Variants in TES observed in about 807,000 individuals in gnomAD.
TES encodes the protein testin.
Under a neutral mutation model 48.2 loss-of-function variants are expected in TES, and 41 were observed. The observed-to-expected ratio is 0.85, with a 90% CI of 0.66 to 1.10. The LOEUF is 1.10. Ranked by LOEUF, TES falls within the 50% of genes least tolerant of loss-of-function variation. The pLI, the probability that TES is intolerant of heterozygous loss-of-function variation, is 0.00. For synonymous variants in TES, 162 were observed against 174.9 expected (o/e 0.93, Z 0.58); for missense variants, 463 against 515.1 (o/e 0.90, Z 0.98).
chr7:116,219,840 T>G (rs1799536218), intron 1 of TES, among the ~76,000 whole-genome samples: 1 of 152,188 alleles, frequency 6.6e-6, no homozygotes, highest in Non-Finnish European at 1.5e-5. Context: ...CTGTATGGTA[T>G]CAGACTACAC....
At position 116,210,563 on chromosome 7, in the gene TES, G is replaced by A; in HGVS notation, c.-145G>A. Reference sequence around the variant, plus strand: ...CGCTGCGGCGGACTGGGCGGCGGAAGTTCGACGGCGCCGGGCGAGTGGCTG... The same window carrying A: ...CGCTGCGGCGGACTGGGCGGCGGAAATTCGACGGCGCCGGGCGAGTGGCTG... On this transcript the variant is annotated 5_prime_UTR_variant, in exon 1 of 7. Coordinates refer to ENST00000358204, the MANE Select transcript of TES (RefSeq NM_015641.4). 1 of 940,514 alleles carries A rather than the reference G, an allele frequency of 1.1e-6. No homozygotes were observed. The highest frequency in any genetic ancestry group is 1.4e-6 in the Non-Finnish European group (1 of 710,944). 58.3% of individuals were successfully genotyped at this position (940,514 alleles called of 1,614,324 possible).
chr7:116,216,323 T>C (rs886810987), intron 1 of TES, among the ~76,000 whole-genome samples: 1 of 152,146 alleles, frequency 6.6e-6, no homozygotes, highest in Non-Finnish European at 1.5e-5. Context: ...GGAAAGGTCT[T>C]CCATAGTGTA....
chr7:116,234,648 A>C (rs773998061), intron 2 of TES, 29 bp downstream of exon 2: 1 of 1,571,412 alleles, frequency 6.4e-7, no homozygotes, highest in Non-Finnish European at 8.8e-7. Context: ...CAACCACATT[A>C]GTAATTTATA....
intron 6 of TES, chr7:116,255,021 T>C (rs1800076884): frequency 6.6e-6 from 1 of 151,474 alleles, no homozygotes; most frequent in East Asian, 1.9e-4. Flanking sequence ...ATACAAATTA[T>C]TTTTAGACCT....
chr7:116,252,537 TTCTTAAAGCC>T (rs1169241005), intron 6 of TES, 61 bp downstream of exon 6: 9 of 1,611,936 alleles, frequency 5.6e-6, no homozygotes, highest in Non-Finnish European at 6.8e-6. Context: ...GTTTATGCTT[TTCTTAAAGCC>T]TCTTACAAAT....
chr7:116,251,731 T>G, intron 4 of TES, 29 bp from the exon 5 acceptor site: 1 of 1,579,348 alleles, frequency 6.3e-7, no homozygotes, highest in East Asian at 2.2e-5. Context: ...TTCTAATGAC[T>G]AGGTTGTTCT....
intron 2 of TES, among the ~76,000 whole-genome samples, chr7:116,241,105 G>A (rs66652906): frequency 0.33 from 50,845 of 152,022 alleles, 8,956 homozygotes; most frequent in East Asian, 0.57. Flanking sequence ...TTCTCAGGCC[G>A]CTCTTGGATA....
Position 116,238,775 on chromosome 7 carries a change from A to C in TES, c.113+4156A>C, listed in dbSNP as rs141216827. ...CCACCACGCCCAGCTAATTTTTTCTATTTTTAGTAGAGACGGGGTTTCACC... is the reference window on the plus strand; with the variant it reads ...CCACCACGCCCAGCTAATTTTTTCTCTTTTTAGTAGAGACGGGGTTTCACC... On this transcript the variant is annotated intron_variant, in intron 2 of 6. Transcript: ENST00000358204. 9.2e-3 allele frequency among the ~76,000 whole-genome samples: 1,398 copies of C among 151,706 alleles called. 20 individuals are homozygous for C. The highest frequency in any genetic ancestry group is 0.032 in the African/African-American group (1,319 of 41,308).
chr7:116,250,308 G>T lies in TES; in HGVS notation c.514G>T (p.Val172Leu). The T allele has an allele frequency of 3.1e-6, 5 of 1,613,916 alleles. No individual in the cohort carries two copies. Among genetic ancestry groups the T allele is most frequent in the Non-Finnish European group, 4.2e-6 (5 of 1,179,888 alleles). ...SKCHELSPRE[V>L]KEMEQFVKKY... is the part of the protein sequence containing the mutation. ...GTGCCATGAGTTGTCTCCCAGAGAGGTGAAGGAGATGGAGCAGTTTGTGAA... is the reference window on the plus strand; with the variant it reads ...GTGCCATGAGTTGTCTCCCAGAGAGTTGAAGGAGATGGAGCAGTTTGTGAA... Residue 172 changes from valine to leucine, a missense_variant, in exon 4 of 7, where the codon GTG (valine) becomes TTG (leucine). Physicochemically the swap from Val to Leu is conservative, Grantham distance 32. Coordinates refer to ENST00000358204, the MANE Select transcript of TES (RefSeq NM_015641.4).
intron 6 of TES, chr7:116,255,257 G>A (rs1800081519): frequency 6.6e-6 from 1 of 152,140 alleles, no homozygotes; most frequent in South Asian, 2.1e-4. Context: ...TAAGAAGAGG[G>A]ATTGAAGGAA....
chr7:116,232,953 A>G (rs920146864), intron 1 of TES, among the ~76,000 whole-genome samples: 8 of 152,218 alleles, frequency 5.3e-5, no homozygotes, highest in African/African-American at 1.9e-4. Context: ...AATTATGGAA[A>G]AAGGATGTGG....
In TES at chr7:116,250,221, G is replaced by C; in HGVS notation, c.427G>C (p.Ala143Pro). The change falls in exon 4 of 7, where the codon GCA becomes CCA. Residue 143 changes from alanine to proline, a missense_variant. Transcript: ENST00000358204. ...EKQPVAGSEGAQYRKKQLAKQ... is the reference protein window; with the variant it reads ...EKQPVAGSEGPQYRKKQLAKQ... ...GCAGCCAGTAGCAGGCTCAGAGGGG[G>C]CACAGTACCGGAAGAAGCAGCTGGC... The C allele has an allele frequency of 6.3e-7, 1 of 1,598,914 alleles. No homozygotes were observed. The highest frequency in any genetic ancestry group is 8.5e-7 in the Non-Finnish European group (1 of 1,173,378).
intron 1 of TES, among the ~76,000 whole-genome samples, chr7:116,217,492 T>A (rs1224192695): frequency 6.6e-6 from 1 of 152,130 alleles, no homozygotes; most frequent in African/African-American, 2.4e-5. Context: ...TAACCAAAAT[T>A]ATGATTTTAA....
At chr7:116,223,474 G>A (rs1016181908) in intron 1 of TES, among the ~76,000 whole-genome samples, 24 of 152,176 alleles carry the variant, frequency 1.6e-4, no homozygotes, top group African/African-American at 4.8e-4. Flanking sequence ...TAAACATTGC[G>A]AAAATTTTCT....
At chr7:116,239,797 TG>T (rs751897861) in intron 2 of TES, among the ~76,000 whole-genome samples, 29 of 152,320 alleles carry the variant, frequency 1.9e-4, no homozygotes, top group Non-Finnish European at 3.1e-4. Flanking sequence ...CACTATCTGC[TG>T]GGAATGCTTT....
intron 1 of TES, among the ~76,000 whole-genome samples, chr7:116,221,252 T>A (rs772383152): frequency 5.3e-5 from 8 of 152,172 alleles, no homozygotes; most frequent in Non-Finnish European, 1.0e-4. Flanking sequence ...CTTGAGTACC[T>A]ACCATGTGCC....
intron 1 of TES, among the ~76,000 whole-genome samples, chr7:116,229,014 ATATATATATATATATATAT>A (rs879608448): frequency 0.016 from 2,251 of 138,928 alleles, 81 homozygotes; most frequent in Non-Finnish European, 0.022. Context: ...ATATATATAT[ATATATATATATATATATAT>A]AATCATTTCC....
intron 6 of TES, among the ~76,000 whole-genome samples, chr7:116,253,844 G>A (rs1036245175): frequency 8.6e-5 from 13 of 151,990 alleles, no homozygotes; most frequent in East Asian, 3.9e-4. Flanking sequence ...CCAATGGTGT[G>A]TGTGTGGGTG....
At chr7:116,249,347 C>T (rs748199739) in intron 3 of TES, 75 bp downstream of exon 3, 45 of 1,542,580 alleles carry the variant, frequency 2.9e-5, no homozygotes, top group Non-Finnish European at 3.6e-5. Context: ...CTTTGATGAC[C>T]TAATCAACTT....
Sources: allele counts gnomAD v4.1 joint callset (sites outside exome capture counted in the v4.1 genomes callset), GRCh38; gene constraint gnomAD v4.1.1; transcripts MANE v1.5; gene names NCBI Gene and HGNC (gene_info 2026-07-23, HGNC 2026-07-21).